Variants in RARB observed in about 807,000 individuals in gnomAD.
RARB encodes the protein HBV-activated protein.
A neutral mutation model predicts 51.9 loss-of-function variants in RARB; 17 were observed. The ratio of observed to expected loss-of-function variants is 0.33; its 90% CI spans 0.22 to 0.49. The LOEUF is 0.49. Among genes scored for constraint, RARB ranks in the 20% least tolerant of loss-of-function variants. The pLI is 0.99. For missense variants in RARB, 369 were observed against 550.8 expected (o/e 0.67, Z 3.30); for synonymous variants, 215 against 195.4 (o/e 1.10, Z -0.84).
intron 3 of RARB, among the ~76,000 whole-genome samples, chr3:25,505,682 C>G (rs946138472): frequency 6.6e-6 from 1 of 151,654 alleles, no homozygotes; most frequent in African/African-American, 2.4e-5. Context: ...AAAAAAAACT[C>G]GATTTTTAGC....
At chr3:24,834,218 C>G (rs1263837693) in intron 1 of RARB, among the ~76,000 whole-genome samples, 1 of 152,156 alleles carries the variant, frequency 6.6e-6, no homozygotes, top group Non-Finnish European at 1.5e-5. Flanking sequence ...TGGAATTTCA[C>G]TTTTGCCAAA....
At chr3:25,260,085 G>C (rs2125406281) in intron 5 of RARB, 1 of 754,186 alleles carries the variant, frequency 1.3e-6, no homozygotes. Context: ...ACAAGGCCCA[G>C]ATGAGTTTCA....
chr3:25,377,935 C>T (rs1440780341), intron 5 of RARB, among the ~76,000 whole-genome samples: 2 of 152,074 alleles, frequency 1.3e-5, no homozygotes, highest in African/African-American at 2.4e-5. Context: ...CATATTACTG[C>T]CCACTACCTT....
At chr3:25,454,261 A>C (rs1429596294) in intron 1 of RARB, among the ~76,000 whole-genome samples, 2 of 152,200 alleles carry the variant, frequency 1.3e-5, no homozygotes, top group Non-Finnish European at 2.9e-5. Context: ...ATCTCTCCCT[A>C]ATGTATGTGA....
chr3:25,200,820 T>C (rs1034507313), intron 5 of RARB, among the ~76,000 whole-genome samples: 1 of 152,214 alleles, frequency 6.6e-6, no homozygotes, highest in East Asian at 1.9e-4. Context: ...TTGGTACCAG[T>C]ACCATACTGT....
At chr3:25,476,510 G>A (rs867334127) in intron 2 of RARB, among the ~76,000 whole-genome samples, 5 of 152,092 alleles carry the variant, frequency 3.3e-5, no homozygotes, top group African/African-American at 1.2e-4. Flanking sequence ...ATAGTTTATA[G>A]GGTAGATTTA....
chr3:24,961,009 T>G (rs374566947), intron 2 of RARB, among the ~76,000 whole-genome samples: 7 of 152,162 alleles, frequency 4.6e-5, no homozygotes, highest in African/African-American at 1.7e-4. Flanking sequence ...ACCTCTCAAG[T>G]CTATTTTCTT....
At chr3:25,201,193 T>C (rs1701380510) in intron 5 of RARB, among the ~76,000 whole-genome samples, 1 of 151,202 alleles carries the variant, frequency 6.6e-6, no homozygotes. Context: ...TTTGAAGCAA[T>C]TGTGAATGGG....
intron 2 of RARB, among the ~76,000 whole-genome samples, chr3:24,954,168 C>T (rs1296044482): frequency 6.6e-6 from 1 of 152,138 alleles, no homozygotes; most frequent in African/African-American, 2.4e-5. Context: ...ACACTCCTGC[C>T]AGATTGTGAG....
At chr3:25,106,783 T>A (rs762290661) in intron 3 of RARB, among the ~76,000 whole-genome samples, 1 of 152,098 alleles carries the variant, frequency 6.6e-6, no homozygotes. Context: ...ATTACTAACA[T>A]CAGCTATTGA....
At chr3:24,870,870 A>ACTCTTTGG (rs1220457476) in intron 2 of RARB, among the ~76,000 whole-genome samples, 1 of 151,954 alleles carries the variant, frequency 6.6e-6, no homozygotes, top group African/African-American at 2.4e-5. Context: ...GCGTTTGTCA[A>ACTCTTTGG]CTCTTTGGGT....
At chr3:25,118,011 C>G (rs1699719651) in intron 3 of RARB, among the ~76,000 whole-genome samples, 1 of 152,140 alleles carries the variant, frequency 6.6e-6, no homozygotes, top group South Asian at 2.1e-4. Context: ...ATATTTGACA[C>G]TGAGCTTTCT....
At chr3:25,260,148 G>A (rs963021722) in intron 5 of RARB, among the ~76,000 whole-genome samples, 2 of 152,256 alleles carry the variant, frequency 1.3e-5, no homozygotes, top group Admixed American at 6.5e-5. Context: ...TCTGATACCC[G>A]GTGGGCAGTG....
At chr3:25,040,660 G>C (rs1461023875) in intron 2 of RARB, among the ~76,000 whole-genome samples, 3 of 152,016 alleles carry the variant, frequency 2.0e-5, no homozygotes, top group Non-Finnish European at 4.4e-5. Context: ...GACTGAGGCA[G>C]AAGAATTGCT....
chr3:25,006,807 T>C (rs1179764935), intron 2 of RARB, among the ~76,000 whole-genome samples: 1 of 152,176 alleles, frequency 6.6e-6, no homozygotes, highest in African/African-American at 2.4e-5. Context: ...GAGTCCTGTT[T>C]GGGATGTTGC....
At chr3:24,834,694 A>T (rs1406967545) in intron 1 of RARB, among the ~76,000 whole-genome samples, 3 of 152,148 alleles carry the variant, frequency 2.0e-5, no homozygotes, top group African/African-American at 7.2e-5. Flanking sequence ...GTATCATTGG[A>T]CTCGAAGGTC....
At chr3:25,137,355 A>G (rs552091491) in intron 4 of RARB, among the ~76,000 whole-genome samples, 1 of 152,120 alleles carries the variant, frequency 6.6e-6, no homozygotes, top group Non-Finnish European at 1.5e-5. Flanking sequence ...GCACATCAGT[A>G]AAGGATGTGA....
chr3:24,950,467 A>G (rs1367965355), intron 2 of RARB, among the ~76,000 whole-genome samples: 1 of 152,208 alleles, frequency 6.6e-6, no homozygotes, highest in Non-Finnish European at 1.5e-5. Flanking sequence ...TTACACTTTA[A>G]TATATCCAGA....
At chr3:25,149,589 T>C (rs1700249486) in intron 4 of RARB, among the ~76,000 whole-genome samples, 1 of 152,200 alleles carries the variant, frequency 6.6e-6, no homozygotes, top group African/African-American at 2.4e-5. Context: ...ATGCAAGTCA[T>C]TCAGAGGGAA....
Sources: gnomAD v4.1 joint callset for allele counts (sites outside exome capture counted in the v4.1 genomes callset) on GRCh38, gnomAD v4.1.1 for gene constraint, MANE v1.5 for transcripts, NCBI Gene and HGNC (gene_info 2026-07-23, HGNC 2026-07-21) for gene names.